Variants in FER observed in about 807,000 individuals in gnomAD.
FER encodes tyrosine-protein kinase Fer.
FER carries 63 observed loss-of-function variants against 111.0 expected under a neutral mutation model. The observed-to-expected ratio is 0.57, with a 90% CI of 0.46 to 0.70. The LOEUF (loss-of-function observed/expected upper bound fraction) is 0.70, where lower values mean the gene tolerates loss of function less well. FER is among the 30% of genes least tolerant of loss of function. The probability of loss-of-function intolerance (pLI) is 0.00; values close to 1 mark genes in which losing one functional copy is unlikely to be tolerated. For missense variants in FER, 914 were observed against 954.0 expected (o/e 0.96, Z 0.55); for synonymous variants, 327 against 313.9 (o/e 1.04, Z -0.44).
At chr5:108,964,667 T>C (rs556907506) in intron 13 of FER, among the ~76,000 whole-genome samples, 1 of 152,218 alleles carries the variant, frequency 6.6e-6, no homozygotes, top group Admixed American at 6.5e-5. Flanking sequence ...TTGTATAATT[T>C]AAGAAATTCA....
intron 13 of FER, among the ~76,000 whole-genome samples, chr5:109,022,157 T>C (rs1581687709): frequency 6.6e-6 from 1 of 152,076 alleles, no homozygotes; most frequent in Admixed American, 6.6e-5. Context: ...TCAGAGTCTG[T>C]AGATCTTCAT....
At chr5:109,010,202 G>T (rs12152788) in intron 13 of FER, among the ~76,000 whole-genome samples, 1 of 152,000 alleles carries the variant, frequency 6.6e-6, no homozygotes, top group Non-Finnish European at 1.5e-5. Flanking sequence ...CTGTCGCCCA[G>T]GCTAGAGTGC....
intron 13 of FER, among the ~76,000 whole-genome samples, chr5:108,971,085 G>T (rs1272559873): frequency 6.6e-6 from 1 of 151,652 alleles, no homozygotes; most frequent in Non-Finnish European, 1.5e-5. Flanking sequence ...GAATTCATTG[G>T]CACACTTAAC....
At chr5:108,904,620 AT>A (rs1185947188) in intron 10 of FER, among the ~76,000 whole-genome samples, 1 of 152,172 alleles carries the variant, frequency 6.6e-6, no homozygotes, top group African/African-American at 2.4e-5. Context: ...AGGGAGTGAC[AT>A]TTTTACATGG....
intron 4 of FER, among the ~76,000 whole-genome samples, chr5:108,835,366 G>A (rs144871742): frequency 1.1e-3 from 171 of 152,040 alleles, no homozygotes; most frequent in African/African-American, 4.1e-3. Context: ...GGTATTTTTG[G>A]TAGAGACAGG....
intron 14 of FER, among the ~76,000 whole-genome samples, chr5:109,042,486 G>A (rs1212347139): frequency 6.6e-6 from 1 of 152,166 alleles, no homozygotes; most frequent in East Asian, 1.9e-4. Flanking sequence ...GTCTGGGAAA[G>A]CATAGTCATT....
intron 16 of FER, among the ~76,000 whole-genome samples, chr5:109,088,442 T>C (rs902684162): frequency 6.6e-6 from 1 of 152,074 alleles, no homozygotes; most frequent in Non-Finnish European, 1.5e-5. Context: ...AAGCAGGCAT[T>C]TTCCTCCCTC....
chr5:108,868,016 A>C, intron 6 of FER, 66 bp downstream of exon 6: 1 of 1,457,190 alleles, frequency 6.9e-7, no homozygotes, highest in Non-Finnish European at 9.4e-7. Flanking sequence ...TTTTCTCTCT[A>C]GTTTAGGTGT....
At chr5:108,834,968 A>G (rs1232991319) in intron 4 of FER, among the ~76,000 whole-genome samples, 4 of 152,110 alleles carry the variant, frequency 2.6e-5, no homozygotes, top group South Asian at 4.1e-4. Flanking sequence ...TCAAATGGCA[A>G]ATTTGAAGAT....
intron 16 of FER, among the ~76,000 whole-genome samples, chr5:109,060,772 GTATATA>G (rs57784433): frequency 7.5e-6 from 1 of 133,518 alleles, no homozygotes; most frequent in Non-Finnish European, 1.7e-5. Flanking sequence ...GTGTGTGTGT[GTATATA>G]TATATATATA....
chr5:109,078,371 G>T (rs1483766469), intron 16 of FER, among the ~76,000 whole-genome samples: 1 of 152,122 alleles, frequency 6.6e-6, no homozygotes, highest in Admixed American at 6.5e-5. Context: ...ATTAAAATCT[G>T]CGTGGCTAAT....
chr5:108,799,973 G>T (rs914351637), intron 3 of FER, among the ~76,000 whole-genome samples: 2 of 151,674 alleles, frequency 1.3e-5, no homozygotes, highest in Non-Finnish European at 2.9e-5. Context: ...CTCATGAGTA[G>T]CTGGGATTAC....
intron 1 of FER, among the ~76,000 whole-genome samples, chr5:108,761,170 C>T (rs180822023): frequency 1.7e-3 from 254 of 152,138 alleles, no homozygotes; most frequent in African/African-American, 5.4e-3. Context: ...CCTCGTGGTC[C>T]CCCCACCTCG....
At chr5:109,164,141 C>G (rs758937354) in intron 17 of FER, among the ~76,000 whole-genome samples, 4 of 152,118 alleles carry the variant, frequency 2.6e-5, no homozygotes, top group Non-Finnish European at 4.4e-5. Flanking sequence ...CATTTGCTCC[C>G]AGTAAGGTGT....
At chr5:108,777,572 A>T (rs1401670245) in intron 2 of FER, among the ~76,000 whole-genome samples, 1 of 152,142 alleles carries the variant, frequency 6.6e-6, no homozygotes, top group Non-Finnish European at 1.5e-5. Flanking sequence ...AATCCTCTGT[A>T]CTCCAACTAT....
At chr5:108,818,796 C>G (rs1212549150) in intron 3 of FER, among the ~76,000 whole-genome samples, 1 of 152,108 alleles carries the variant, frequency 6.6e-6, no homozygotes, top group Admixed American at 6.5e-5. Flanking sequence ...CATAGCTTCT[C>G]ACAGAGCATG....
At chr5:108,965,798 A>G (rs533182592) in intron 13 of FER, among the ~76,000 whole-genome samples, 2 of 152,222 alleles carry the variant, frequency 1.3e-5, no homozygotes, top group African/African-American at 2.4e-5. Flanking sequence ...CTTAACAGCT[A>G]TGTCCCCAAC....
At chr5:108,856,276 T>G (rs1389950985) in intron 5 of FER, among the ~76,000 whole-genome samples, 1 of 152,188 alleles carries the variant, frequency 6.6e-6, no homozygotes, top group Non-Finnish European at 1.5e-5. Context: ...TTCACACTAA[T>G]ATGGTTCAGA....
At chr5:109,184,203 A>G (rs1758606558) in intron 18 of FER, among the ~76,000 whole-genome samples, 1 of 152,208 alleles carries the variant, frequency 6.6e-6, no homozygotes, top group Admixed American at 6.5e-5. Context: ...TGGGGCTGAT[A>G]TATCCTCTAA....
Sources: allele counts gnomAD v4.1 joint callset (sites outside exome capture counted in the v4.1 genomes callset), GRCh38; gene constraint gnomAD v4.1.1; transcripts MANE v1.5; gene names NCBI Gene and HGNC (gene_info 2026-07-23, HGNC 2026-07-21).